PKIG: variants seen among roughly 807,000 people sequenced by gnomAD.
PKIG encodes protein kinase (cAMP-dependent, catalytic) inhibitor gamma.
A neutral mutation model predicts 6.8 loss-of-function variants in PKIG; 1 was observed. The ratio of observed to expected loss-of-function variants is 0.15; its 90% CI spans 0.05 to 0.69. PKIG has a LOEUF of 0.69. PKIG is among the 30% of genes least tolerant of loss of function. PKIG has a pLI of 0.82. For synonymous variants in PKIG, 39 were observed against 43.0 expected (o/e 0.91, Z 0.36); for missense variants, 77 against 104.0 (o/e 0.74, Z 1.13).
intron 1 of PKIG, among the ~76,000 whole-genome samples, chr20:44,564,948 C>A (rs1284246652): frequency 1.3e-5 from 2 of 152,192 alleles, no homozygotes; most frequent in Non-Finnish European, 2.9e-5. Context: ...GTCCTTTGAA[C>A]AACCAGTAAA....
At position 44,618,285 on chromosome 20, in the gene PKIG, A is replaced by G. The variant is rs747226014; in HGVS notation, c.152A>G (p.Glu51Gly). The G allele has an allele frequency of 2.5e-6, 4 of 1,606,950 alleles. No homozygotes were observed. The South Asian group carries it at 3.3e-5, about 13-fold the overall frequency. ...AAAAACCTCTTTCTCTCCTCTCCAG[A>G]AGGACAGGTGGAGGGAAGCGCCCCA... ...DMGELALEGA[E>G]GQVEGSAPDK... is the part of the protein sequence containing the mutation. The change falls in exon 4 of 4, where the codon GAA (glutamate) becomes GGA (glycine). Residue 51 changes from glutamate (E) to glycine (G), a missense_variant and splice_region_variant. Transcript: ENST00000372886.
chr20:44,615,272 A>G (rs1258912631), intron 3 of PKIG, among the ~76,000 whole-genome samples: 5 of 152,118 alleles, frequency 3.3e-5, no homozygotes. Context: ...CTCCAGCTAC[A>G]TCTACCTTTG....
In PKIG at chr20:44,592,431, C is replaced by T. The variant is rs73909547; in HGVS notation, c.-24+2565C>T. Among the ~76,000 whole-genome samples the T allele has an allele frequency of 4.4e-3, 666 of 152,316 alleles. 5 individuals carry two copies. Among genetic ancestry groups the T allele is most frequent in the African/African-American group, 0.015 (642 of 41,560 alleles). On this transcript the variant is annotated intron_variant, in intron 2 of 3. Coordinates refer to ENST00000372886, the MANE Select transcript of PKIG (RefSeq NM_001281445.2). The stretch of plus-strand genomic sequence containing the variant: ...ACCAAAACGTGGTCCAGAACTGAAT[C>T]CTGGGGCCAACATGCCCATTTAGCA...
At position 44,614,308 on chromosome 20, in the gene PKIG, A is replaced by G. The variant is rs1568837167; in HGVS notation, c.-23-226A>G. On this transcript the variant is annotated intron_variant, in intron 2 of 3. Coordinates refer to ENST00000372886, the MANE Select transcript of PKIG (RefSeq NM_001281445.2). This position sits in a 1 kb window ranked among gnomAD's most constrained non-coding sequence, Gnocchi z 4.6. ...TGTTTGTCAATAATTTTATTTAAAG[A>G]AAAGTCTGAGCCCATGTTCTTTAAA... 4.5e-6 allele frequency: 2 copies of G among 442,530 alleles called. No individual in the cohort carries two copies. The highest frequency in any genetic ancestry group is 4.0e-6 in the Non-Finnish European group (1 of 246,982). 27.4% of individuals were successfully genotyped at this position (442,530 alleles called of 1,614,324 possible).
intron 1 of PKIG, among the ~76,000 whole-genome samples, chr20:44,557,159 G>A (rs2064719982): frequency 6.6e-6 from 1 of 151,998 alleles, no homozygotes; most frequent in African/African-American, 2.4e-5. Flanking sequence ...TCATTTCTTT[G>A]TACTATTTTT....
intron 1 of PKIG, among the ~76,000 whole-genome samples, chr20:44,535,264 G>A (rs1161889909): frequency 2.0e-4 from 30 of 152,032 alleles, no homozygotes; most frequent in Admixed American, 1.9e-3. Context: ...TCAGAGTATT[G>A]ATACTGGAGA....
intron 1 of PKIG, among the ~76,000 whole-genome samples, chr20:44,557,520 C>CAAAA (rs3091847): frequency 1.4e-4 from 9 of 63,548 alleles, no homozygotes; most frequent in East Asian, 5.2e-4. Flanking sequence ...TGACAGGTGA[C>CAAAA]AAAAAAAAAA....
chr20:44,592,846 G>A (rs1217595207), intron 2 of PKIG, among the ~76,000 whole-genome samples: 4 of 152,154 alleles, frequency 2.6e-5, no homozygotes, highest in Non-Finnish European at 2.9e-5. Flanking sequence ...CTGCCCAGTA[G>A]AATCAATATT....
chr20:44,614,838 T>G lies in PKIG; in HGVS notation c.151+131T>G. 1 of 885,064 alleles carries G rather than the reference T, an allele frequency of 1.1e-6. No individual in the cohort carries two copies. The highest frequency in any genetic ancestry group is 1.7e-6 in the Non-Finnish European group (1 of 588,254). The allele number at this position is 885,064 out of a possible 1,614,324, so 54.8% of individuals were successfully genotyped here. A position where few individuals can be genotyped will look rare whatever the true frequency, so the allele number is the denominator to read the frequency against. On this transcript the variant is annotated intron_variant, in intron 3 of 3. Coordinates refer to ENST00000372886, the MANE Select transcript of PKIG (RefSeq NM_001281445.2). This position sits in a 1 kb window ranked among gnomAD's most constrained non-coding sequence, Gnocchi z 4.6. Reference sequence around the variant, plus strand: ...CCACATTTAAGTCAGGCCTGCCCCATGGTCAGTGGCAGAGTCCAGCAATCT... The same window carrying G: ...CCACATTTAAGTCAGGCCTGCCCCAGGGTCAGTGGCAGAGTCCAGCAATCT...
chr20:44,537,969 A>G (rs1191158680), intron 1 of PKIG, among the ~76,000 whole-genome samples: 2 of 152,196 alleles, frequency 1.3e-5, no homozygotes, highest in African/African-American at 4.8e-5. Context: ...TTCAAGGTAG[A>G]GTATGTCACA....
intron 1 of PKIG, among the ~76,000 whole-genome samples, chr20:44,536,665 A>G (rs2038289402): frequency 6.6e-6 from 1 of 152,220 alleles, no homozygotes; most frequent in African/African-American, 2.4e-5. Context: ...TTGGACTTCT[A>G]GAAGGTGGAG....
At chr20:44,558,038 A>G (rs1221357956) in intron 1 of PKIG, among the ~76,000 whole-genome samples, 2 of 138,080 alleles carry the variant, frequency 1.4e-5, no homozygotes, top group Non-Finnish European at 3.0e-5. Flanking sequence ...TTAGTAATAA[A>G]ACTTTGTCTT....
At chr20:44,574,912 T>TA (rs546648604) in intron 1 of PKIG, among the ~76,000 whole-genome samples, 80 of 152,340 alleles carry the variant, frequency 5.3e-4, no homozygotes, top group African/African-American at 1.7e-3. Context: ...TTTAAAAATA[T>TA]AACCACACTA....
Position 44,614,750 on chromosome 20 carries a change from CCTCTGCCGGG to C in PKIG, c.151+45_151+54del, listed in dbSNP as rs771934951. 20 of 1,606,450 alleles carry C rather than the reference CCTCTGCCGGG, an allele frequency of 1.2e-5. No individual in the cohort carries two copies. The highest frequency in any genetic ancestry group is 1.7e-5 in the Admixed American group (1 of 59,748). On this transcript the variant is annotated intron_variant, in intron 3 of 3. Transcript: ENST00000372886. This position sits in a 1 kb window ranked among gnomAD's most constrained non-coding sequence, Gnocchi z 4.6. ...CTTGGCACTACTGCATGCCAGAGGC[CCTCTGCCGGG>C]CCCCGGGCTAGCCTCCAAGTCCTAG...
chr20:44,591,509 C>G (rs1014793010), intron 2 of PKIG, among the ~76,000 whole-genome samples: 1 of 151,718 alleles, frequency 6.6e-6, no homozygotes, highest in African/African-American at 2.4e-5. Context: ...CTCTTCTTAG[C>G]GCCTGTGCTC....
At chr20:44,604,857 A>G (rs1364031279) in intron 2 of PKIG, among the ~76,000 whole-genome samples, 4 of 152,214 alleles carry the variant, frequency 2.6e-5, no homozygotes, top group African/African-American at 4.8e-5. Flanking sequence ...AAGAAGACTC[A>G]ATATCATAAA....
intron 2 of PKIG, among the ~76,000 whole-genome samples, chr20:44,599,519 C>T (rs1328866318): frequency 6.6e-6 from 1 of 152,012 alleles, no homozygotes; most frequent in Non-Finnish European, 1.5e-5. Context: ...GTCAAGAGAT[C>T]GAGACCATCC....
intron 1 of PKIG, among the ~76,000 whole-genome samples, chr20:44,538,931 T>A (rs1417807819): frequency 6.6e-6 from 1 of 152,038 alleles, no homozygotes; most frequent in Non-Finnish European, 1.5e-5. Flanking sequence ...CTTTTTTTTT[T>A]TCTTTCTTTT....
At chr20:44,591,522 C>G (rs905821144) in intron 2 of PKIG, among the ~76,000 whole-genome samples, 5 of 150,692 alleles carry the variant, frequency 3.3e-5, no homozygotes, top group African/African-American at 1.2e-4. Context: ...CTGTGCTCCT[C>G]CTTCCCTTGG....
Sources: allele counts gnomAD v4.1 joint callset (sites outside exome capture counted in the v4.1 genomes callset), GRCh38; gene constraint gnomAD v4.1.1; non-coding constraint Gnocchi (gnomAD v3.1); transcripts MANE v1.5; gene names NCBI Gene and HGNC (gene_info 2026-07-23, HGNC 2026-07-21).